Variants in CNTN5 observed in about 807,000 individuals in gnomAD.
CNTN5 encodes contactin 5, also known as contactin-5.
In CNTN5, 77 loss-of-function variants were observed where a neutral mutation model predicts 129.1. The ratio of observed to expected loss-of-function variants is 0.60; its 90% CI spans 0.50 to 0.72. The LOEUF is 0.72. Among genes scored for constraint, CNTN5 ranks in the 30% least tolerant of loss-of-function variants. CNTN5 has a pLI of 0.00. For missense variants in CNTN5, 1,478 were observed against 1,328.8 expected (o/e 1.11, Z -1.75); for synonymous variants, 509 against 465.6 (o/e 1.09, Z -1.20).
chr11:99,833,684 A>G (rs541478407), intron 4 of CNTN5, among the ~76,000 whole-genome samples: 1 of 152,294 alleles, frequency 6.6e-6, no homozygotes, highest in East Asian at 1.9e-4. Context: ...CATCTGTACT[A>G]CTGCTCCTAG....
intron 2 of CNTN5, among the ~76,000 whole-genome samples, chr11:99,365,748 G>A (rs187003585): frequency 4.6e-5 from 7 of 152,182 alleles, no homozygotes; most frequent in East Asian, 3.9e-4. Flanking sequence ...GAACTGAAAC[G>A]TAACAGTCTC....
chr11:100,256,569 T>C (rs1308400783), intron 17 of CNTN5, among the ~76,000 whole-genome samples: 1 of 151,946 alleles, frequency 6.6e-6, no homozygotes, highest in Non-Finnish European at 1.5e-5. Flanking sequence ...ACGCAGAAGG[T>C]GGGTGATTTC....
intron 6 of CNTN5, among the ~76,000 whole-genome samples, chr11:99,866,323 G>A (rs1199945691): frequency 6.6e-6 from 1 of 151,840 alleles, no homozygotes; most frequent in African/African-American, 2.4e-5. Context: ...ACTTCTCCTG[G>A]GTATTTAGTA....
In CNTN5 at chr11:99,819,814, A is replaced by G. The variant is rs766153302; in HGVS notation, c.277+49A>G. ...CCAGATAGAATAAAGGAGGCAAAGA[A>G]GACTTATTTAATACTGTTGCAACAG... On this transcript the variant is annotated intron_variant, in intron 4 of 24. Coordinates refer to ENST00000524871, the MANE Select transcript of CNTN5 (RefSeq NM_014361.4). The G allele has an allele frequency of 2.6e-5, 16 of 624,940 alleles. No homozygotes were observed. In the African/African-American group the frequency reaches 8.0e-4, roughly 31 times the overall value. 38.7% of individuals were successfully genotyped at this position (624,940 alleles called of 1,614,324 possible). A position where few individuals can be genotyped will look rare whatever the true frequency, so the allele number is the denominator to read the frequency against.
intron 3 of CNTN5, among the ~76,000 whole-genome samples, chr11:99,617,475 A>T (rs1276417144): frequency 6.6e-6 from 1 of 152,246 alleles, no homozygotes; most frequent in Non-Finnish European, 1.5e-5. Context: ...CAAAGTTTCC[A>T]TAAAGCTTGG....
chr11:99,912,351 G>C (rs1027189167), intron 6 of CNTN5, among the ~76,000 whole-genome samples: 1 of 151,982 alleles, frequency 6.6e-6, no homozygotes, highest in African/African-American at 2.4e-5. Flanking sequence ...GCTGAGCTTT[G>C]AGGATTTGGG....
chr11:100,271,538 T>C (rs950041160), intron 18 of CNTN5, among the ~76,000 whole-genome samples: 2 of 152,222 alleles, frequency 1.3e-5, no homozygotes, highest in Non-Finnish European at 2.9e-5. Flanking sequence ...TCTAATAATA[T>C]ACTCATTCAA....
intron 21 of CNTN5, among the ~76,000 whole-genome samples, chr11:100,310,757 G>A (rs545240636): frequency 2.6e-5 from 4 of 152,026 alleles, no homozygotes; most frequent in Non-Finnish European, 5.9e-5. Context: ...CTGTGGTTGC[G>A]ACATGTGAGT....
chr11:100,070,346 T>G (rs1943871622), intron 10 of CNTN5, 78 bp from the exon 11 acceptor site: 1 of 1,431,706 alleles, frequency 7.0e-7, no homozygotes, highest in Non-Finnish European at 9.5e-7. Context: ...ATACGTTGAA[T>G]TTTTCCATGT....
At chr11:99,123,964 G>T (rs897541748) in intron 1 of CNTN5, among the ~76,000 whole-genome samples, 2 of 151,858 alleles carry the variant, frequency 1.3e-5, no homozygotes, top group Non-Finnish European at 2.9e-5. Flanking sequence ...AGTATAGTTT[G>T]TGATTCCTCT....
intron 1 of CNTN5, among the ~76,000 whole-genome samples, chr11:99,183,854 A>T (rs1026113798): frequency 6.6e-6 from 1 of 152,118 alleles, no homozygotes; most frequent in Non-Finnish European, 1.5e-5. Flanking sequence ...GTTTAACTCA[A>T]TATCTTAACC....
chr11:99,899,365 C>A (rs962320299), intron 6 of CNTN5, among the ~76,000 whole-genome samples: 2 of 152,002 alleles, frequency 1.3e-5, no homozygotes, highest in Admixed American at 1.3e-4. Context: ...TGTAGTTTGT[C>A]ATGCATGGCT....
intron 2 of CNTN5, among the ~76,000 whole-genome samples, chr11:99,472,737 C>T (rs1945223896): frequency 1.3e-5 from 2 of 152,020 alleles, no homozygotes; most frequent in South Asian, 4.1e-4. Context: ...GGTATGATCT[C>T]AGCCCACTGC....
intron 2 of CNTN5, among the ~76,000 whole-genome samples, chr11:99,462,211 C>T (rs901238147): frequency 6.6e-6 from 1 of 151,952 alleles, no homozygotes; most frequent in African/African-American, 2.4e-5. Flanking sequence ...TTTTAAAATA[C>T]CCTAGACACA....
intron 1 of CNTN5, among the ~76,000 whole-genome samples, chr11:99,047,073 T>C (rs1864240934): frequency 6.6e-6 from 1 of 152,018 alleles, no homozygotes. Context: ...TTTTAACATG[T>C]TGGTAAGAGA....
intron 2 of CNTN5, among the ~76,000 whole-genome samples, chr11:99,462,838 AC>A (rs1267918563): frequency 6.6e-6 from 1 of 152,114 alleles, no homozygotes. Context: ...TAATCCCTGT[AC>A]TTTGTGACGC....
intron 1 of CNTN5, among the ~76,000 whole-genome samples, chr11:99,065,470 C>T (rs1865062693): frequency 6.6e-6 from 1 of 152,116 alleles, no homozygotes. Context: ...ATCTTAAAAC[C>T]ATCAATAAAT....
intron 2 of CNTN5, among the ~76,000 whole-genome samples, chr11:99,434,218 T>C (rs913018680): frequency 6.6e-6 from 1 of 152,154 alleles, no homozygotes; most frequent in Non-Finnish European, 1.5e-5. Flanking sequence ...CTCTTCAATA[T>C]TGTGGAAAAA....
chr11:99,991,546 A>G (rs61910615), intron 8 of CNTN5, among the ~76,000 whole-genome samples: 57,666 of 152,038 alleles, frequency 0.38, 12,394 homozygotes, highest in African/African-American at 0.59. Context: ...ACTTGAAATA[A>G]CCAAAATAGG....
Sources: allele counts gnomAD v4.1 joint callset (sites outside exome capture counted in the v4.1 genomes callset), GRCh38; gene constraint gnomAD v4.1.1; transcripts MANE v1.5; gene names NCBI Gene and HGNC (gene_info 2026-07-23, HGNC 2026-07-21).